ZNF892: variants seen among roughly 807,000 people sequenced by gnomAD.
ZNF892 encodes the protein zinc finger protein 892, also known as zinc finger protein 570-like.
chr2:95,206,718 C>G, the ZNF892 span, among the ~76,000 whole-genome samples: 1 of 152,132 alleles, frequency 6.6e-6, no homozygotes, highest in Non-Finnish European at 1.5e-5. Flanking sequence ...AATACCTTAT[C>G]AATTAATTGG....
the ZNF892 span, among the ~76,000 whole-genome samples, chr2:95,211,029 C>T: frequency 6.6e-6 from 1 of 151,974 alleles, no homozygotes; most frequent in Non-Finnish European, 1.5e-5. Context: ...CTGGGGGACG[C>T]GGGCAGATTG....
At chr2:95,250,437 T>C in the ZNF892 span, among the ~76,000 whole-genome samples, 20 of 151,332 alleles carry the variant, frequency 1.3e-4, no homozygotes, top group South Asian at 2.1e-4. Context: ...ACATTTGGGT[T>C]AGTTTCTATA....
At chr2:95,206,794 G>A in the ZNF892 span, among the ~76,000 whole-genome samples, 1 of 152,182 alleles carries the variant, frequency 6.6e-6, no homozygotes, top group African/African-American at 2.4e-5. Context: ...GTTGGGTAAG[G>A]AGCCCTTAGT....
the ZNF892 span, among the ~76,000 whole-genome samples, chr2:95,216,694 T>A: frequency 6.6e-6 from 1 of 152,244 alleles, no homozygotes; most frequent in African/African-American, 2.4e-5. Flanking sequence ...TTTTAGGAAG[T>A]TATACTATGA....
the ZNF892 span, among the ~76,000 whole-genome samples, chr2:95,224,777 G>A: frequency 1.2e-4 from 18 of 152,174 alleles, no homozygotes; most frequent in Non-Finnish European, 1.5e-5. Flanking sequence ...GGTTCTGGGA[G>A]GTAGGGCCTA....
At chr2:95,234,890 A>G in the ZNF892 span, among the ~76,000 whole-genome samples, 27 of 152,354 alleles carry the variant, frequency 1.8e-4, no homozygotes, top group East Asian at 5.0e-3. Context: ...AAACACATGA[A>G]TCTGGTGGGT....
chr2:95,249,231 ATTTTTTTT>A, the ZNF892 span, among the ~76,000 whole-genome samples: 12 of 57,112 alleles, frequency 2.1e-4, no homozygotes, highest in African/African-American at 5.0e-4. Context: ...ATATATATAT[ATTTTTTTT>A]TTTTTTTTTT....
the ZNF892 span, among the ~76,000 whole-genome samples, chr2:95,261,708 G>A: frequency 1.3e-5 from 2 of 152,204 alleles, no homozygotes; most frequent in Non-Finnish European, 2.9e-5. Flanking sequence ...CCTCTACTGT[G>A]CTGAGGTCTT....
the ZNF892 span, among the ~76,000 whole-genome samples, chr2:95,260,987 G>A: frequency 6.6e-6 from 1 of 152,186 alleles, no homozygotes; most frequent in Non-Finnish European, 1.5e-5. Flanking sequence ...GTGTCCTCTA[G>A]GCATCCCTCC....
the ZNF892 span, among the ~76,000 whole-genome samples, chr2:95,239,790 G>A: frequency 6.6e-6 from 1 of 152,068 alleles, no homozygotes; most frequent in South Asian, 2.1e-4. Flanking sequence ...ACCACACCCA[G>A]CTACTTTTTT....
chr2:95,250,604 T>C, the ZNF892 span, among the ~76,000 whole-genome samples: 1 of 98,516 alleles, frequency 1.0e-5, no homozygotes, highest in African/African-American at 3.8e-5. Context: ...AAATTATAAA[T>C]TTATAAATAT....
chr2:95,224,940 G>A, the ZNF892 span, among the ~76,000 whole-genome samples: 9 of 152,148 alleles, frequency 5.9e-5, no homozygotes, highest in Non-Finnish European at 1.3e-4. Context: ...TTGCCCTTTG[G>A]CCATGGAATG....
At chr2:95,258,338 C>A in the ZNF892 span, among the ~76,000 whole-genome samples, 1 of 152,172 alleles carries the variant, frequency 6.6e-6, no homozygotes, top group African/African-American at 2.4e-5. Context: ...TGTCCAGTCC[C>A]CACTGCCTGG....
chr2:95,235,736 T>G, the ZNF892 span, among the ~76,000 whole-genome samples: 3 of 152,204 alleles, frequency 2.0e-5, no homozygotes, highest in Non-Finnish European at 2.9e-5. Context: ...TGGTGATTTC[T>G]CTGAAGTTTA....
At chr2:95,256,030 TCCAATTTG>T in the ZNF892 span, among the ~76,000 whole-genome samples, 1 of 152,250 alleles carries the variant, frequency 6.6e-6, no homozygotes, top group Non-Finnish European at 1.5e-5. Context: ...TGACTCTTTA[TCCAATTTG>T]CCAGTCTGTG....
chr2:95,252,087 T>C, the ZNF892 span, among the ~76,000 whole-genome samples: 2 of 152,218 alleles, frequency 1.3e-5, no homozygotes, highest in African/African-American at 4.8e-5. Context: ...ATTTACTTCT[T>C]TTCTTTTTTT....
the ZNF892 span, among the ~76,000 whole-genome samples, chr2:95,227,303 G>T: frequency 6.6e-6 from 1 of 151,940 alleles, no homozygotes. Flanking sequence ...ACAAGAATAT[G>T]TATCAGCATG....
chr2:95,213,602 T>C, the ZNF892 span, among the ~76,000 whole-genome samples: 1 of 152,160 alleles, frequency 6.6e-6, no homozygotes, highest in Non-Finnish European at 1.5e-5. Flanking sequence ...CTCTCTTTTT[T>C]CTTTCTTCTT....
the ZNF892 span, among the ~76,000 whole-genome samples, chr2:95,221,972 CCTTT>C: frequency 6.6e-6 from 1 of 152,060 alleles, no homozygotes; most frequent in Non-Finnish European, 1.5e-5. Flanking sequence ...TCCTTTCACC[CCTTT>C]CTCTTTCTTC....
Sources: gnomAD v4.1 joint callset for allele counts (sites outside exome capture counted in the v4.1 genomes callset) on GRCh38, gnomAD v4.1.1 for gene constraint, MANE v1.5 for transcripts, NCBI Gene and HGNC (gene_info 2026-07-23, HGNC 2026-07-21) for gene names.